NPC1L1: variants seen among roughly 807,000 people sequenced by gnomAD.
NPC1L1 encodes the protein NPC1-like intracellular cholesterol transporter 1.
In NPC1L1, 98 loss-of-function variants were observed where a neutral mutation model predicts 117.0. The observed-to-expected ratio is 0.84, with a 90% CI of 0.71 to 0.99. NPC1L1 has a LOEUF of 0.99. NPC1L1 is among the 50% of genes least tolerant of loss of function. NPC1L1 has a pLI of 0.00. For synonymous variants in NPC1L1, 729 were observed against 727.6 expected (o/e 1.00, Z -0.03); for missense variants, 1,540 against 1,710.0 (o/e 0.90, Z 1.75).
rs969929863 is a variant in NPC1L1, at chr7:44,532,913, G to A, written c.2409+518C>T. Among the ~76,000 whole-genome samples, 18 of 152,290 alleles carry A rather than the reference G, an allele frequency of 1.2e-4. 1 individual carries two copies. Among genetic ancestry groups the A allele is most frequent in the Admixed American group, 1.1e-3 (17 of 15,280 alleles). On this transcript the variant is annotated intron_variant, in intron 8 of 18. Transcript: ENST00000381160. Reference sequence around the variant, plus strand: ...GAGGTCAGGAGTTCGAGACCAACCTGACCAACATGGTGAAACCCCATCTCT... The same window carrying A: ...GAGGTCAGGAGTTCGAGACCAACCTAACCAACATGGTGAAACCCCATCTCT...
chr7:44,518,412 C>T (rs1426181696), intron 14 of NPC1L1, among the ~76,000 whole-genome samples: 1 of 151,958 alleles, frequency 6.6e-6, no homozygotes, highest in Non-Finnish European at 1.5e-5. Flanking sequence ...TCAAGTGATT[C>T]GCCGGCCTCG....
At chr7:44,518,955 T>TCTTC (rs749554442) in intron 14 of NPC1L1, among the ~76,000 whole-genome samples, 32 of 152,072 alleles carry the variant, frequency 2.1e-4, no homozygotes, top group South Asian at 6.2e-4. Flanking sequence ...TCTTTCTTTT[T>TCTTC]CTTCCTTCCT....
At chr7:44,517,631 C>T (rs1282768083) in intron 14 of NPC1L1, among the ~76,000 whole-genome samples, 1 of 152,146 alleles carries the variant, frequency 6.6e-6, no homozygotes, top group Non-Finnish European at 1.5e-5. Context: ...CCCTAGTGAA[C>T]CGAGATTCTT....
intron 11 of NPC1L1, 99 bp from the exon 12 acceptor site, chr7:44,521,935 G>T: frequency 6.3e-7 from 1 of 1,597,904 alleles, no homozygotes; most frequent in South Asian, 1.1e-5. Flanking sequence ...CAGGCATACG[G>T]CAGCAAGGCA....
At position 44,513,605 on chromosome 7, in the gene NPC1L1, C is replaced by T. The variant is rs217435; in HGVS notation, c.3841G>A (p.Glu1281Lys). 951 of 1,613,758 alleles carry T rather than the reference C, an allele frequency of 5.9e-4. 6 individuals are homozygous for T. The African/African-American group carries it at 0.011, about 19-fold the overall frequency. ...PALALEQKRAEEAVAAVMVAS... is the reference protein window; with the variant it reads ...PALALEQKRAKEAVAAVMVAS... The stretch of plus-strand genomic sequence containing the variant: ...ACCATGACTGCTGCCACCGCCTCCT[C>T]AGCCCGCTTCTGCTCCAGTGCCAGA... Residue 1281 changes from glutamate (E) to lysine (K), a missense_variant, in exon 19 of 19, where the codon GAG becomes AAG. Physicochemically the swap from Glu to Lys is moderately conservative, Grantham distance 56. Coordinates refer to ENST00000381160, the MANE Select transcript of NPC1L1 (RefSeq NM_001101648.2).
At position 44,536,792 on chromosome 7, in the gene NPC1L1, C is replaced by A. The variant is rs766822887; in HGVS notation, c.1681+50G>T. ...CCCACCCTCCCGTCTATGGTTCCTG[C>A]CCCAATACTGCATCTTCCTTGGCTT... On this transcript the variant is annotated intron_variant, in intron 3 of 18. Coordinates refer to ENST00000381160, the MANE Select transcript of NPC1L1 (RefSeq NM_001101648.2). This position sits in a 1 kb window ranked among gnomAD's most constrained non-coding sequence, Gnocchi z 4.7. The A allele has an allele frequency of 6.6e-7, 1 of 1,504,370 alleles. No homozygotes were observed. The highest frequency in any genetic ancestry group is 1.1e-5 in the South Asian group (1 of 88,582). The allele number at this position is 1,504,370 out of a possible 1,614,324, so 93.2% of individuals were successfully genotyped here. A position where few individuals can be genotyped will look rare whatever the true frequency, so the allele number is the denominator to read the frequency against.
chr7:44,534,303 C>G lies in NPC1L1; in HGVS notation c.2166+144G>C. The stretch of plus-strand genomic sequence containing the variant: ...TTATGTCAACACACTCTAGTTTCTA[C>G]AGATATTGTAAACATGCGTGTCGAT... On this transcript the variant is annotated intron_variant, in intron 6 of 18. Coordinates refer to ENST00000381160, the MANE Select transcript of NPC1L1 (RefSeq NM_001101648.2). This position sits in a 1 kb window ranked among gnomAD's most constrained non-coding sequence, Gnocchi z 5.2. 1 of 820,248 alleles carries G rather than the reference C, an allele frequency of 1.2e-6. No individual in the cohort carries two copies. Among genetic ancestry groups the G allele is most frequent in the Non-Finnish European group, 2.1e-6 (1 of 471,332 alleles). 50.8% of individuals were successfully genotyped at this position (820,248 alleles called of 1,614,324 possible).
At position 44,539,147 on chromosome 7, in the gene NPC1L1, C is replaced by T. The variant is rs536660131; in HGVS notation, c.1250G>A (p.Arg417Gln). The part of the protein sequence containing the change: ...TNQVILTAPN[R>Q]SSYRYDSLLL... ...CAGAGAGTCATACCTGTAGCTGGAC[C>T]GGTTAGGAGCCGTCAGGATCACCTG... is the stretch of plus-strand genomic sequence containing the variant. The change falls in exon 2 of 19, where the codon CGG (arginine) becomes CAG (glutamine). Residue 417 changes from arginine to glutamine, a missense_variant. By Grantham distance (43) the Arg-to-Gln change is conservative. Transcript: ENST00000381160. This position sits in a 1 kb window ranked among gnomAD's most constrained non-coding sequence, Gnocchi z 4.4. 12 of 1,614,040 alleles carry T rather than the reference C, an allele frequency of 7.4e-6. No homozygotes were observed. The highest frequency in any genetic ancestry group is 2.7e-5 in the African/African-American group (2 of 75,000).
Position 44,536,326 on chromosome 7 carries a change from G to T in NPC1L1, c.1784C>A (p.Ala595Asp). ...GAAGGCTCGCATTTCCTCTAAGAAG[G>T]CCTCCTCCCACAGCTTGGCCTGGGC... ...RLAQAKLWEEAFLEEMRAFQR... is the reference protein window; with the variant it reads ...RLAQAKLWEEDFLEEMRAFQR... Residue 595 changes from alanine to aspartate, a missense_variant, in exon 4 of 19, where the codon GCC becomes GAC. Physicochemically the swap from Ala to Asp is moderately radical, Grantham distance 126. This residue lies in a region of NPC1L1 where 793 missense variants were observed against 820.4 expected (regional missense o/e 0.97). Coordinates refer to ENST00000381160, the MANE Select transcript of NPC1L1 (RefSeq NM_001101648.2). The surrounding 1 kb of genome is among the most constrained non-coding windows in gnomAD (Gnocchi z 4.7). The T allele has an allele frequency of 1.2e-6, 2 of 1,614,242 alleles. No individual in the cohort carries two copies. Among genetic ancestry groups the T allele is most frequent in the Admixed American group, 1.7e-5 (1 of 60,036 alleles).
Position 44,533,854 on chromosome 7 carries a change from CTGTG to C in NPC1L1, c.2167-5_2167-2del. 1 of 1,609,604 alleles carries C rather than the reference CTGTG, an allele frequency of 6.2e-7. No individual in the cohort carries two copies. The highest frequency in any genetic ancestry group is 8.5e-7 in the Non-Finnish European group (1 of 1,178,294). On this transcript the variant is annotated splice_acceptor_variant and splice_polypyrimidine_tract_variant and intron_variant, in intron 6 of 18. Transcript: ENST00000381160. LOFTEE classifies it high-confidence loss of function. ...GCTCCCCAGGCCTCCGGGGCAGCCT[CTGTG>C]TGGGAACAGCAGGGATAAGAGCCAG...
chr7:44,518,593 C>T, intron 14 of NPC1L1: 3 of 491,894 alleles, frequency 6.1e-6, no homozygotes, highest in Non-Finnish European at 1.0e-5. Flanking sequence ...TACTTGAATC[C>T]AGGAGGTAGA....
At chr7:44,521,581 C>T (rs1288399512) in intron 12 of NPC1L1, 131 bp downstream of exon 12, 20 of 1,444,198 alleles carry the variant, frequency 1.4e-5, no homozygotes, top group Non-Finnish European at 1.8e-5. Context: ...GCCACATCTG[C>T]ACCCATGCCC....
intron 10 of NPC1L1, among the ~76,000 whole-genome samples, chr7:44,526,648 G>C (rs1173160648): frequency 6.6e-6 from 1 of 151,936 alleles, no homozygotes; most frequent in African/African-American, 2.4e-5. Context: ...GCTGAGACAC[G>C]AGGATCACCT....
chr7:44,526,748 G>A (rs1215149755), intron 10 of NPC1L1, among the ~76,000 whole-genome samples: 1 of 152,044 alleles, frequency 6.6e-6, no homozygotes, highest in Non-Finnish European at 1.5e-5. Context: ...AATGGGCCGG[G>A]CACAGTGGCT....
At chr7:44,518,292 C>G (rs1180439310) in intron 14 of NPC1L1, among the ~76,000 whole-genome samples, 1 of 151,108 alleles carries the variant, frequency 6.6e-6, no homozygotes, top group Admixed American at 6.6e-5. Flanking sequence ...GCCTCAGCCT[C>G]CCAAGTAGCT....
At chr7:44,530,406 G>A (rs1364687245) in intron 10 of NPC1L1, among the ~76,000 whole-genome samples, 1 of 152,150 alleles carries the variant, frequency 6.6e-6, no homozygotes, top group Non-Finnish European at 1.5e-5. Context: ...GGGAGTCACT[G>A]TTTGTTGGGT....
Position 44,521,834 on chromosome 7 carries a change from G to A in NPC1L1, c.2831C>T (p.Ser944Phe). ...GGAGGAGGCAGGGATGGCCAGGTAA[G>A]ACCTAAGGGGCAGGTGGGAGGAAGG... ...IQYATEFPEQSYLAIPASSWV... is the reference protein window; with the variant it reads ...IQYATEFPEQFYLAIPASSWV... Residue 944 changes from serine to phenylalanine, a missense_variant and splice_region_variant, in exon 12 of 19, where the codon TCT becomes TTT. Physicochemically the swap from Ser to Phe is radical, Grantham distance 155. Around this residue, in one of 3 missense-constraint regions of NPC1L1, gnomAD observed 742 missense variants for 873.6 expected, o/e 0.85. Coordinates refer to ENST00000381160, the MANE Select transcript of NPC1L1 (RefSeq NM_001101648.2). 1.2e-6 allele frequency: 2 copies of A among 1,614,112 alleles called. No homozygotes were observed. Among genetic ancestry groups the A allele is most frequent in the South Asian group, 1.1e-5 (1 of 91,062 alleles).
Position 44,539,741 on chromosome 7 carries a change from G to A in NPC1L1, c.656C>T (p.Thr219Ile). The change falls in exon 2 of 19, where the codon ACC (threonine) becomes ATC (isoleucine). Residue 219 changes from threonine to isoleucine, a missense_variant. Transcript: ENST00000381160. This position sits in a 1 kb window ranked among gnomAD's most constrained non-coding sequence, Gnocchi z 4.4. ...CTGGCCAGGCTCCAAGAGGTGGAAGGTGATGTCCAGTGGGGCCAGACCATT... is the reference window on the plus strand; with the variant it reads ...CTGGCCAGGCTCCAAGAGGTGGAAGATGATGTCCAGTGGGGCCAGACCATT... The part of the protein sequence containing the change: ...TGNGLAPLDI[T>I]FHLLEPGQAV... The A allele has an allele frequency of 6.2e-7, 1 of 1,614,156 alleles. No homozygotes were observed. The highest frequency in any genetic ancestry group is 8.5e-7 in the Non-Finnish European group (1 of 1,180,042).
In NPC1L1 at chr7:44,521,079, A is replaced by G. The variant is rs74439497; in HGVS notation, c.2993T>C (p.Met998Thr). ...CTCCACCGAGGGCCTCACAGAGCCC[A>G]TCGTGATGCTCATGCAGTTCTTTAG... ...NCLKNCMSIT[M>T]GSVRPSVEQF... The change falls in exon 13 of 19, where the codon ATG (methionine) becomes ACG (threonine). Residue 998 changes from methionine to threonine, a missense_variant. Met to Thr is a moderately conservative substitution (Grantham distance 81). Transcript: ENST00000381160. The G allele has an allele frequency of 2.0e-5, 32 of 1,614,192 alleles. No individual in the cohort carries two copies. The African/African-American group carries it at 4.0e-4, about 20-fold the overall frequency.
Sources: allele counts gnomAD v4.1 joint callset (sites outside exome capture counted in the v4.1 genomes callset), GRCh38; gene constraint gnomAD v4.1.1; regional missense constraint gnomAD v4.1.1; non-coding constraint Gnocchi (gnomAD v3.1); transcripts MANE v1.5; gene names NCBI Gene and HGNC (gene_info 2026-07-23, HGNC 2026-07-21).